CLMN: variants seen among roughly 807,000 people sequenced by gnomAD.
The protein encoded by CLMN is calmin, also known as calmin (calponin-like, transmembrane).
A neutral mutation model predicts 92.7 loss-of-function variants in CLMN; 57 were observed. The ratio of observed to expected loss-of-function variants is 0.61; its 90% CI spans 0.50 to 0.77. CLMN has a LOEUF of 0.77. Among genes scored for constraint, CLMN ranks in the 30% least tolerant of loss-of-function variants. The probability of loss-of-function intolerance (pLI) is 0.00; values close to 1 mark genes in which losing one functional copy is unlikely to be tolerated. For missense variants in CLMN, 1,158 were observed against 1,237.5 expected (o/e 0.94, Z 0.96); for synonymous variants, 466 against 470.6 (o/e 0.99, Z 0.13).
At chr14:95,211,203 C>G (rs1248005423) in intron 6 of CLMN, among the ~76,000 whole-genome samples, 7 of 152,212 alleles carry the variant, frequency 4.6e-5, no homozygotes. Context: ...ATGGAATGTG[C>G]TGTGCCATAA....
In CLMN at chr14:95,319,618, C is replaced by T. The variant is rs573048381; in HGVS notation, c.82+93G>A. The T allele has an allele frequency of 2.4e-3, 2,433 of 1,015,366 alleles. 24 individuals are homozygous for T. The highest frequency in any genetic ancestry group is 0.015 in the South Asian group (1,037 of 67,064). The allele number at this position is 1,015,366 out of a possible 1,614,324, so 62.9% of individuals were successfully genotyped here. ...ACAGGAACAACGAGCGGCCGGCGAGCGGGGGCGGCGCGGGGGAGTTGCCAA... is the reference window on the plus strand; with the variant it reads ...ACAGGAACAACGAGCGGCCGGCGAGTGGGGGCGGCGCGGGGGAGTTGCCAA... On this transcript the variant is annotated intron_variant, in intron 1 of 12. Coordinates refer to ENST00000298912, the MANE Select transcript of CLMN (RefSeq NM_024734.4).
In CLMN at chr14:95,191,421, A is replaced by ACC; in HGVS notation, c.*141_*142dup. 1 of 483,562 alleles carries ACC rather than the reference A, an allele frequency of 2.1e-6. No homozygotes were observed. Among genetic ancestry groups the ACC allele is most frequent in the Admixed American group, 4.2e-5 (1 of 23,530 alleles). 30.0% of individuals were successfully genotyped at this position (483,562 alleles called of 1,614,324 possible). On this transcript the variant is annotated 3_prime_UTR_variant, in exon 13 of 13. Coordinates refer to ENST00000298912, the MANE Select transcript of CLMN (RefSeq NM_024734.4). The surrounding 1 kb of genome is among the most constrained non-coding windows in gnomAD (Gnocchi z 5.3). ...AAGGAAACCTGAAAAAAAAAAAAAAACCACAATAGCGAGAAAGGGGGTCTA... is the reference window on the plus strand; with the variant it reads ...AAGGAAACCTGAAAAAAAAAAAAAAACCCCACAATAGCGAGAAAGGGGGTCTA...
chr14:95,307,277 T>C (rs546002263), intron 1 of CLMN, among the ~76,000 whole-genome samples: 1 of 152,146 alleles, frequency 6.6e-6, no homozygotes, highest in Non-Finnish European at 1.5e-5. Context: ...CATTCAACAA[T>C]ATAAACTGAG....
chr14:95,307,286 A>G (rs1901327997), intron 1 of CLMN, among the ~76,000 whole-genome samples: 1 of 152,192 alleles, frequency 6.6e-6, no homozygotes, highest in Non-Finnish European at 1.5e-5. Flanking sequence ...ATATAAACTG[A>G]GCACTCTCTA....
chr14:95,206,249 A>T (rs1357418060), intron 8 of CLMN, among the ~76,000 whole-genome samples: 1 of 152,230 alleles, frequency 6.6e-6, no homozygotes, highest in Non-Finnish European at 1.5e-5. Context: ...TTAACAGCAT[A>T]GCATCAACAT....
At chr14:95,226,877 C>T (rs866633736) in intron 2 of CLMN, among the ~76,000 whole-genome samples, 6 of 152,202 alleles carry the variant, frequency 3.9e-5, no homozygotes, top group African/African-American at 9.7e-5. Context: ...CCATGACCGG[C>T]CGAAACCCGA....
chr14:95,232,880 A>G (rs964318321), intron 1 of CLMN, among the ~76,000 whole-genome samples: 5 of 152,122 alleles, frequency 3.3e-5, no homozygotes, highest in Non-Finnish European at 7.3e-5. Context: ...ACTGCTGCCC[A>G]TTTTTCACTG....
At chr14:95,240,624 A>C (rs1420906143) in intron 1 of CLMN, among the ~76,000 whole-genome samples, 2 of 152,208 alleles carry the variant, frequency 1.3e-5, no homozygotes, top group Non-Finnish European at 2.9e-5. Flanking sequence ...AGCCACAGTC[A>C]CGTGGGGTGG....
At chr14:95,232,366 A>G (rs1474842143) in intron 1 of CLMN, among the ~76,000 whole-genome samples, 1 of 152,282 alleles carries the variant, frequency 6.6e-6, no homozygotes, top group Non-Finnish European at 1.5e-5. Flanking sequence ...CAATAAGAAA[A>G]TGAGAGCCAA....
chr14:95,290,370 T>C (rs1363656664), intron 1 of CLMN, among the ~76,000 whole-genome samples: 1 of 152,262 alleles, frequency 6.6e-6, no homozygotes, highest in Non-Finnish European at 1.5e-5. Context: ...GTTAAGGATC[T>C]TGAGATGGAG....
At position 95,189,684 on chromosome 14, in the gene CLMN, G is replaced by C. The variant is rs1232879687; in HGVS notation, c.*1880C>G. Reference sequence around the variant, plus strand: ...CATCTAATTTAGGCAAGGACTGCATGGTGCCCAGAGTTATAAACTATCACA... The same window carrying C: ...CATCTAATTTAGGCAAGGACTGCATCGTGCCCAGAGTTATAAACTATCACA... On this transcript the variant is annotated 3_prime_UTR_variant, in exon 13 of 13. Coordinates refer to ENST00000298912, the MANE Select transcript of CLMN (RefSeq NM_024734.4). The C allele has an allele frequency of 1.3e-5, 2 of 152,224 alleles. No homozygotes were observed. Among genetic ancestry groups the C allele is most frequent in the Non-Finnish European group, 2.9e-5 (2 of 68,044 alleles). 9.4% of individuals were successfully genotyped at this position (152,224 alleles called of 1,614,324 possible).
chr14:95,319,303 T>TCTCACA (rs1471116573), intron 1 of CLMN, among the ~76,000 whole-genome samples: 1 of 144,108 alleles, frequency 6.9e-6, no homozygotes, highest in Non-Finnish European at 1.5e-5. Flanking sequence ...GTGCGCGAAC[T>TCTCACA]CACACACACA....
In CLMN at chr14:95,300,785, C is replaced by T. The variant is rs1022021322; in HGVS notation, c.82+18926G>A. Among the ~76,000 whole-genome samples, 7 of 152,310 alleles carry T rather than the reference C, an allele frequency of 4.6e-5. No homozygotes were observed. The South Asian group carries it at 1.4e-3, about 32-fold the overall frequency. ...TGCCATCACAGCCATCATTATATCC[C>T]GATGAGACCGGGGGGACTGACTCCC... On this transcript the variant is annotated intron_variant, in intron 1 of 12. Transcript: ENST00000298912.
chr14:95,301,699 T>C (rs1177936604), intron 1 of CLMN, among the ~76,000 whole-genome samples: 2 of 152,178 alleles, frequency 1.3e-5, no homozygotes, highest in Admixed American at 6.5e-5. Context: ...CATACCAACC[T>C]ACTAGGTCAC....
chr14:95,235,858 C>T (rs979324190), intron 1 of CLMN, among the ~76,000 whole-genome samples: 1 of 152,130 alleles, frequency 6.6e-6, no homozygotes, highest in Admixed American at 6.5e-5. Context: ...TCTCTACACG[C>T]GCTCGCCCAG....
At chr14:95,282,483 C>A (rs1900178093) in intron 1 of CLMN, among the ~76,000 whole-genome samples, 1 of 152,190 alleles carries the variant, frequency 6.6e-6, no homozygotes, top group Admixed American at 6.5e-5. Flanking sequence ...AAAGGACCTG[C>A]CAATTTGTTC....
Position 95,191,520 on chromosome 14 carries a change from C to A in CLMN, c.*44G>T. 6.5e-7 allele frequency: 1 copy of A among 1,539,700 alleles called. No homozygotes were observed. Reference sequence around the variant, plus strand: ...CCCAAAATAAAATGAAGTAACCCCGCCCCTGGTCAGGGTCCTGTCTTTTTT... The same window carrying A: ...CCCAAAATAAAATGAAGTAACCCCGACCCTGGTCAGGGTCCTGTCTTTTTT... On this transcript the variant is annotated 3_prime_UTR_variant, in exon 13 of 13. Transcript: ENST00000298912. The surrounding 1 kb of genome is among the most constrained non-coding windows in gnomAD (Gnocchi z 5.3).
chr14:95,196,216 T>C (rs1233006503), intron 10 of CLMN, among the ~76,000 whole-genome samples: 1 of 151,746 alleles, frequency 6.6e-6, no homozygotes, highest in Non-Finnish European at 1.5e-5. Context: ...CTACCTATGG[T>C]TCAGCCATCT....
At chr14:95,242,863 A>G (rs1898310169) in intron 1 of CLMN, among the ~76,000 whole-genome samples, 2 of 152,208 alleles carry the variant, frequency 1.3e-5, no homozygotes, top group Admixed American at 6.5e-5. Flanking sequence ...CACCACGCCC[A>G]GCCTGGCATC....
Sources: gnomAD v4.1 joint callset for allele counts (sites outside exome capture counted in the v4.1 genomes callset) on GRCh38, gnomAD v4.1.1 for gene constraint, Gnocchi (gnomAD v3.1) non-coding constraint, MANE v1.5 for transcripts, NCBI Gene and HGNC (gene_info 2026-07-23, HGNC 2026-07-21) for gene names.